Variants in FSD1 observed in about 807,000 individuals in gnomAD.
The protein encoded by FSD1 is fibronectin type III and SPRY domain-containing protein 1.
FSD1 carries 23 observed loss-of-function variants against 58.2 expected under a neutral mutation model. The observed-to-expected ratio is 0.40, with a 90% CI of 0.28 to 0.56. The LOEUF is 0.56. Ranked by LOEUF, FSD1 falls within the 20% of genes least tolerant of loss-of-function variation. The pLI is 0.54. For missense variants in FSD1, 563 were observed against 670.8 expected (o/e 0.84, Z 1.78); for synonymous variants, 265 against 263.4 (o/e 1.01, Z -0.06).
Position 4,322,987 on chromosome 19 carries a change from G to A in FSD1, c.1041G>A (p.Gly347=), listed in dbSNP as rs1417872017. 1 of 1,609,814 alleles carries A rather than the reference G, an allele frequency of 6.2e-7. No individual in the cohort carries two copies. The highest frequency in any genetic ancestry group is 2.2e-5 in the East Asian group (1 of 44,786). Residue 347 remains glycine (G), a splice_region_variant and synonymous_variant, in exon 11 of 13, where the codon GGG becomes GGA. Transcript: ENST00000221856. The part of the protein sequence containing the change: ...RFTAESYTVL[G]DTLIDGGEHY... ...CACCCCTCCTGCCCTGCGCCACAGG[G>A]GACACGCTGATCGACGGCGGGGAGC...
intron 7 of FSD1, among the ~76,000 whole-genome samples, chr19:4,313,689 G>A (rs184419010): frequency 2.0e-5 from 3 of 148,952 alleles, no homozygotes; most frequent in Non-Finnish European, 4.4e-5. Flanking sequence ...CTGAGCTCCA[G>A]CCTGGTTACA....
At chr19:4,307,447 A>G (rs1468730757) in intron 3 of FSD1, among the ~76,000 whole-genome samples, 3 of 151,920 alleles carry the variant, frequency 2.0e-5, no homozygotes, top group Non-Finnish European at 4.4e-5. Context: ...AGCTCACTGC[A>G]ACCTCCGCCT....
intron 4 of FSD1, among the ~76,000 whole-genome samples, chr19:4,309,613 A>T (rs1326651390): frequency 6.6e-6 from 1 of 152,208 alleles, no homozygotes; most frequent in Non-Finnish European, 1.5e-5. Flanking sequence ...ATGATTTGGT[A>T]GAAACAAATC....
chr19:4,311,535 T>A (rs1023688427), intron 6 of FSD1: 1 of 297,448 alleles, frequency 3.4e-6, no homozygotes, highest in Non-Finnish European at 6.5e-6. Flanking sequence ...TATAAAAAAT[T>A]AGCCGGGCCA....
In FSD1 at chr19:4,322,908, G is replaced by A. The variant is rs148998938; in HGVS notation, c.1040-78G>A. 5 of 1,500,120 alleles carry A rather than the reference G, an allele frequency of 3.3e-6. No individual in the cohort carries two copies. The Admixed American group carries it at 5.9e-5, about 18-fold the overall frequency. 92.9% of individuals were successfully genotyped at this position (1,500,120 alleles called of 1,614,324 possible). ...CTGTGGTGTAAGGAGCACCTTGGGG[G>A]CTGGCCCTTTGTGGAAGGGCATCTG... On this transcript the variant is annotated intron_variant, in intron 10 of 12. Transcript: ENST00000221856.
chr19:4,313,897 G>A lies in FSD1; in HGVS notation c.700+1846G>A, dbSNP rs569798004. On this transcript the variant is annotated intron_variant, in intron 7 of 12. Coordinates refer to ENST00000221856, the MANE Select transcript of FSD1 (RefSeq NM_024333.3). ...AAAAAAATTAGTGGGGCATGGTGGC[G>A]GATGCCTGTAGTCCCAGCTACTTGG... 5.3e-5 allele frequency among the ~76,000 whole-genome samples: 8 copies of A among 152,044 alleles called. No individual in the cohort carries two copies. In the East Asian group the frequency reaches 7.7e-4, roughly 15 times the overall value.
chr19:4,306,553 C>A, intron 3 of FSD1, among the ~76,000 whole-genome samples: 1 of 151,932 alleles, frequency 6.6e-6, no homozygotes, highest in East Asian at 1.9e-4. Flanking sequence ...CTGCAACCTC[C>A]GCCTCCTGGG....
Position 4,311,992 on chromosome 19 carries a change from A to T in FSD1, c.641A>T (p.Lys214Met), listed in dbSNP as rs1162654443. 1 of 1,613,390 alleles carries T rather than the reference A, an allele frequency of 6.2e-7. No homozygotes were observed. The highest frequency in any genetic ancestry group is 1.3e-5 in the African/African-American group (1 of 74,926). ...AACTTCGAGGGCCCGCCCCGCCTCA[A>T]GGAGGACCAGCCCTGGATGGTCATC... ...RTNFEGPPRL[K>M]EDQPWMVIEG... Residue 214 changes from lysine (K) to methionine (M), a missense_variant, in exon 7 of 13, where the codon AAG (lysine) becomes ATG (methionine). Physicochemically the swap from Lys to Met is moderately conservative, Grantham distance 95 (BLOSUM62 -1). Coordinates refer to ENST00000221856, the MANE Select transcript of FSD1 (RefSeq NM_024333.3).
chr19:4,308,681 G>A lies in FSD1; in HGVS notation c.345+698G>A, dbSNP rs146473006. 2.6e-3 allele frequency among the ~76,000 whole-genome samples: 399 copies of A among 152,064 alleles called. 14 individuals carry two copies. The East Asian group carries it at 0.06, about 23-fold the overall frequency. On this transcript the variant is annotated intron_variant, in intron 4 of 12. Transcript: ENST00000221856. ...GACCATCCTAACACAGTGAAACCCC[G>A]TCTCTACTAAAAAAAAATACAAATA...
chr19:4,308,513 A>T (rs1178381635), intron 4 of FSD1, among the ~76,000 whole-genome samples: 1 of 152,034 alleles, frequency 6.6e-6, no homozygotes, highest in African/African-American at 2.4e-5. Context: ...GCTTGAGGCC[A>T]GGAGTTTCAG....
Position 4,306,125 on chromosome 19 carries a change from T to C in FSD1, c.112-73T>C. The C allele has an allele frequency of 1.9e-6, 3 of 1,610,914 alleles. No individual in the cohort carries two copies. In the South Asian group the frequency reaches 3.3e-5, roughly 18 times the overall value. ...AGCCTTAGGAACTGGCCCATTGCTG[T>C]TGATGCCTGTGGGAGGTCTCAGGTT... is the stretch of plus-strand genomic sequence containing the variant. On this transcript the variant is annotated intron_variant, in intron 2 of 12. Coordinates refer to ENST00000221856, the MANE Select transcript of FSD1 (RefSeq NM_024333.3).
rs1971723871 is a variant in FSD1, at chr19:4,323,207, T to C, written c.1261T>C (p.Cys421Arg). 6.2e-7 allele frequency: 1 copy of C among 1,605,090 alleles called. No homozygotes were observed. The highest frequency in any genetic ancestry group is 1.7e-5 in the Admixed American group (1 of 59,952). ...VKVLDAPVPD[C>R]LGVHCDFHQG... Reference sequence around the variant, plus strand: ...GGTGCTGGACGCCCCCGTGCCCGACTGCCTGGGTGTGCACTGTGACTTCCA... The same window carrying C: ...GGTGCTGGACGCCCCCGTGCCCGACCGCCTGGGTGTGCACTGTGACTTCCA... The change falls in exon 11 of 13, where the codon TGC becomes CGC. Residue 421 changes from cysteine (C) to arginine (R), a missense_variant. Cys to Arg is a radical substitution (Grantham distance 180). Coordinates refer to ENST00000221856, the MANE Select transcript of FSD1 (RefSeq NM_024333.3). This position sits in a 1 kb window ranked among gnomAD's most constrained non-coding sequence, Gnocchi z 7.7.
chr19:4,313,681 G>C (rs1971720752), intron 7 of FSD1, among the ~76,000 whole-genome samples: 1 of 148,036 alleles, frequency 6.8e-6, no homozygotes, highest in Admixed American at 6.9e-5. Flanking sequence ...TTGCGCCACT[G>C]AGCTCCAGCC....
chr19:4,322,078 G>T (rs1179871384), intron 10 of FSD1, among the ~76,000 whole-genome samples: 2 of 136,828 alleles, frequency 1.5e-5, no homozygotes, highest in Admixed American at 1.5e-4. Context: ...GGTCCTCAAG[G>T]ATTATCGGGG....
chr19:4,308,782 C>T (rs376323357), intron 4 of FSD1, among the ~76,000 whole-genome samples: 3 of 151,552 alleles, frequency 2.0e-5, no homozygotes, highest in African/African-American at 4.8e-5. Context: ...GGCGTGAACT[C>T]GGGAGGCGGA....
intron 1 of FSD1, among the ~76,000 whole-genome samples, chr19:4,305,202 G>T (rs1971604797): frequency 6.7e-6 from 1 of 148,272 alleles, no homozygotes; most frequent in African/African-American, 2.5e-5. Flanking sequence ...CTCCCTCCCA[G>T]AATCCCCTGC....
intron 7 of FSD1, among the ~76,000 whole-genome samples, chr19:4,315,800 C>T (rs563837605): frequency 5.8e-4 from 88 of 151,668 alleles, no homozygotes; most frequent in African/African-American, 2.0e-3. Flanking sequence ...TTAGTAGAGA[C>T]GGGGTTTCAC....
At chr19:4,305,881 T>C (rs1456174577) in intron 1 of FSD1, 65 bp from the exon 2 acceptor site, 1 of 1,154,660 alleles carries the variant, frequency 8.7e-7, no homozygotes, top group East Asian at 2.3e-5. Flanking sequence ...TGCGTACACG[T>C]GTGTGTACCT....
chr19:4,304,767 A>G lies in FSD1; in HGVS notation c.15+6A>G. ...CAGCCATGGAAGAACAGAGGGTAGG[A>G]CGGGGTGGGGCAGGGCGGGCCCGCA... On this transcript the variant is annotated splice_donor_region_variant and intron_variant, in intron 1 of 12. Transcript: ENST00000221856. The G allele has an allele frequency of 4.8e-6, 1 of 206,816 alleles. No individual in the cohort carries two copies. The allele number at this position is 206,816 out of a possible 1,614,324, so 12.8% of individuals were successfully genotyped here.
Sources: gnomAD v4.1 joint callset for allele counts (sites outside exome capture counted in the v4.1 genomes callset) on GRCh38, gnomAD v4.1.1 for gene constraint, Gnocchi (gnomAD v3.1) non-coding constraint, MANE v1.5 for transcripts, NCBI Gene and HGNC (gene_info 2026-07-23, HGNC 2026-07-21) for gene names.